Variants in PNLIPRP3 observed in about 807,000 individuals in gnomAD.
PNLIPRP3 encodes the protein pancreatic lipase-related protein 3.
A neutral mutation model predicts 52.8 loss-of-function variants in PNLIPRP3; 58 were observed. The observed-to-expected ratio is 1.10, with a 90% CI of 0.89 to 1.37. The LOEUF (loss-of-function observed/expected upper bound fraction) is 1.37, where lower values mean the gene tolerates loss of function less well. Among genes scored for constraint, PNLIPRP3 ranks in the 40% most tolerant of loss-of-function variants. The pLI is 0.00. For synonymous variants in PNLIPRP3, 192 were observed against 185.0 expected, an observed-to-expected ratio of 1.04 and a Z score of -0.31; for missense variants, 593 against 561.6, an observed-to-expected ratio of 1.06 and a Z score of -0.57.
rs747767087 is a variant in PNLIPRP3 at position 116,455,721 on chromosome 10, G to GA, written c.462dup (p.Phe155IlefsTer2). ...CTTATTCTGTTAAACAATTCTTTCA[G>GA]AAAAAATTTGAATATTCCCCTTCTA... is the stretch of plus-strand genomic sequence containing the variant. On this transcript the variant is annotated frameshift_variant and splice_region_variant. Coordinates refer to ENST00000369230, the MANE Select transcript of PNLIPRP3 (RefSeq NM_001011709.3). LOFTEE classifies it high-confidence loss of function. 11 of 1,609,578 alleles carry GA rather than the reference G, an allele frequency of 6.8e-6. No individual in the cohort carries two copies. The East Asian group carries it at 1.3e-4, about 20-fold the overall frequency.
At position 116,436,761 on chromosome 10, in the gene PNLIPRP3, T is replaced by G. The variant is rs1019912809; in HGVS notation, c.100T>G (p.Trp34Gly). The G allele has an allele frequency of 6.2e-7, 1 of 1,613,462 alleles. No homozygotes were observed. The highest frequency in any genetic ancestry group is 1.3e-5 in the African/African-American group (1 of 74,908). ...AGGGTGTTTCAAAGATGGTTTACCATGGACCAGGACTTTCTCAACAGAGTT... is the reference window on the plus strand; with the variant it reads ...AGGGTGTTTCAAAGATGGTTTACCAGGGACCAGGACTTTCTCAACAGAGTT... ...RLGCFKDGLP[W>G]TRTFSTELVG... Residue 34 changes from tryptophan (W) to glycine (G), a missense_variant, in exon 2 of 12, where the codon TGG becomes GGG. Coordinates refer to ENST00000369230, the MANE Select transcript of PNLIPRP3 (RefSeq NM_001011709.3).
intron 2 of PNLIPRP3, among the ~76,000 whole-genome samples, chr10:116,437,392 C>A (rs1256640885): frequency 6.6e-6 from 1 of 152,094 alleles, no homozygotes; most frequent in African/African-American, 2.4e-5. Context: ...GTGTATCCTG[C>A]AGGATGGGCA....
chr10:116,439,476 T>C (rs1205907146), intron 2 of PNLIPRP3: 1 of 707,458 alleles, frequency 1.4e-6, no homozygotes, highest in Non-Finnish European at 2.5e-6. Context: ...CTCCTCCTCC[T>C]ATTCTTCCTC....
intron 5 of PNLIPRP3, among the ~76,000 whole-genome samples, chr10:116,457,411 C>G (rs1589985013): frequency 6.6e-6 from 1 of 152,274 alleles, no homozygotes; most frequent in East Asian, 1.9e-4. Flanking sequence ...AAATTCAAAT[C>G]TCAATTTAGA....
chr10:116,434,478 TAATCTTTC>T (rs1214256572), intron 1 of PNLIPRP3, among the ~76,000 whole-genome samples: 2 of 152,220 alleles, frequency 1.3e-5, no homozygotes, highest in Admixed American at 6.5e-5. Flanking sequence ...ACAGAACTAT[TAATCTTTC>T]AATCTTTTCT....
chr10:116,462,322 AAT>A (rs955921550), intron 7 of PNLIPRP3, among the ~76,000 whole-genome samples: 22 of 146,802 alleles, frequency 1.5e-4, no homozygotes, highest in Middle Eastern at 3.6e-3. Context: ...TAATAATAAT[AAT>A]ATATATATAT....
At chr10:116,470,116 G>A (rs1362357443) in intron 9 of PNLIPRP3, among the ~76,000 whole-genome samples, 3 of 152,122 alleles carry the variant, frequency 2.0e-5, no homozygotes, top group African/African-American at 7.2e-5. Flanking sequence ...CATTCTCTGA[G>A]CTTGACGACA....
At position 116,466,055 on chromosome 10, in the gene PNLIPRP3, G is replaced by A; in HGVS notation, c.814G>A (p.Ala272Thr). 6 of 1,609,724 alleles carry A rather than the reference G, an allele frequency of 3.7e-6. No homozygotes were observed. Among genetic ancestry groups the A allele is most frequent in the Non-Finnish European group, 5.1e-6 (6 of 1,176,466 alleles). ...FNFNAYKKEM[A>T]SFFDCNHARS... Reference sequence around the variant, plus strand: ...ATTGGGAATTGTTTTCACAGAAATGGCTTCCTTCTTTGACTGTAACCATGC... The same window carrying A: ...ATTGGGAATTGTTTTCACAGAAATGACTTCCTTCTTTGACTGTAACCATGC... The change falls in exon 8 of 12, where the codon GCT (alanine) becomes ACT (threonine). Residue 272 changes from alanine to threonine, a missense_variant. Ala to Thr is a moderately conservative substitution (Grantham distance 58, BLOSUM62 0). Coordinates refer to ENST00000369230, the MANE Select transcript of PNLIPRP3 (RefSeq NM_001011709.3).
chr10:116,470,237 C>A (rs976136360), intron 9 of PNLIPRP3, among the ~76,000 whole-genome samples: 6 of 151,982 alleles, frequency 3.9e-5, no homozygotes, highest in African/African-American at 1.2e-4. Flanking sequence ...GGTAGAGATA[C>A]GGATCTCAGC....
intron 8 of PNLIPRP3, among the ~76,000 whole-genome samples, chr10:116,466,963 A>G (rs1233292797): frequency 2.6e-5 from 4 of 152,204 alleles, no homozygotes; most frequent in Non-Finnish European, 4.4e-5. Context: ...GCCAAACAGT[A>G]GCATTTTCCA....
In PNLIPRP3 at chr10:116,439,828, C is replaced by T. The variant is rs995312630; in HGVS notation, c.204+2963C>T. ...AGCTGGTTCATAATCCTTCATTTCC[C>T]GATCATAGCGCACTTTAATCACCTT... is the stretch of plus-strand genomic sequence containing the variant. On this transcript the variant is annotated intron_variant, in intron 2 of 11. Coordinates refer to ENST00000369230, the MANE Select transcript of PNLIPRP3 (RefSeq NM_001011709.3). 3.9e-5 allele frequency: 30 copies of T among 777,342 alleles called. 1 individual carries two copies. The highest frequency in any genetic ancestry group is 2.8e-4 in the South Asian group (21 of 74,536). 48.2% of individuals were successfully genotyped at this position (777,342 alleles called of 1,614,324 possible). A position where few individuals can be genotyped will look rare whatever the true frequency, so the allele number is the denominator to read the frequency against.
intron 10 of PNLIPRP3, among the ~76,000 whole-genome samples, chr10:116,472,254 T>C (rs1846385577): frequency 6.6e-6 from 1 of 152,178 alleles, no homozygotes; most frequent in Non-Finnish European, 1.5e-5. Flanking sequence ...TTTATATAAA[T>C]TGCTAAATTT....
At chr10:116,476,880 C>G in intron 11 of PNLIPRP3, 61 bp downstream of exon 11, 1 of 1,440,606 alleles carries the variant, frequency 6.9e-7, no homozygotes, top group South Asian at 1.4e-5. Flanking sequence ...GTGTTTAAAC[C>G]CACAGATAAT....
intron 10 of PNLIPRP3, among the ~76,000 whole-genome samples, chr10:116,475,593 T>C (rs2133163043): frequency 6.6e-6 from 1 of 152,322 alleles, no homozygotes; most frequent in Admixed American, 6.5e-5. Flanking sequence ...CAATTAATTC[T>C]ACTAGTAATA....
intron 3 of PNLIPRP3, 128 bp from the exon 4 acceptor site, chr10:116,444,254 G>T (rs540169192): frequency 2.9e-4 from 210 of 732,652 alleles, no homozygotes; most frequent in Admixed American, 3.9e-4. Context: ...GATAAGATTT[G>T]GTCGGGGACA....
chr10:116,438,396 A>G lies in PNLIPRP3; in HGVS notation c.204+1531A>G, dbSNP rs560389427. Among the ~76,000 whole-genome samples, 16 of 152,306 alleles carry G rather than the reference A, an allele frequency of 1.1e-4. 1 individual carries two copies. In the South Asian group the frequency reaches 3.3e-3, roughly 32 times the overall value. ...GGGCTTACTTTCCATCAGGCCCATC[A>G]CATACTGCTGGGCCTTGCCAGCCAG... On this transcript the variant is annotated intron_variant, in intron 2 of 11. Coordinates refer to ENST00000369230, the MANE Select transcript of PNLIPRP3 (RefSeq NM_001011709.3).
At position 116,443,211 on chromosome 10, in the gene PNLIPRP3, C is replaced by T. The variant is rs755492435; in HGVS notation, c.324+37C>T. 11 of 1,579,602 alleles carry T rather than the reference C, an allele frequency of 7.0e-6. 1 individual carries two copies. Among genetic ancestry groups the T allele is most frequent in the South Asian group, 2.3e-5 (2 of 85,510 alleles). ...ATAAGCTCCTTTTTACACTAGCATG[C>T]GAGCTTTATGTTTAACATGAATGTA... On this transcript the variant is annotated intron_variant, in intron 3 of 11. Transcript: ENST00000369230.
At chr10:116,455,239 G>A (rs1846094745) in intron 4 of PNLIPRP3, among the ~76,000 whole-genome samples, 1 of 152,182 alleles carries the variant, frequency 6.6e-6, no homozygotes, top group South Asian at 2.1e-4. Context: ...TTGATATTGA[G>A]TTATTTGAGT....
chr10:116,466,259 C>CA (rs1297269748), intron 8 of PNLIPRP3, 91 bp downstream of exon 8: 35 of 897,506 alleles, frequency 3.9e-5, no homozygotes, highest in East Asian at 5.4e-5. Flanking sequence ...GTGTAGGTAG[C>CA]AAAAAAAATG....
Sources: allele counts gnomAD v4.1 joint callset (sites outside exome capture counted in the v4.1 genomes callset), GRCh38; gene constraint gnomAD v4.1.1; transcripts MANE v1.5; gene names NCBI Gene and HGNC (gene_info 2026-07-23, HGNC 2026-07-21).